MIER2: variants seen among roughly 807,000 people sequenced by gnomAD.
MIER2 encodes the protein MIER family member 2, also known as mesoderm induction early response protein 2.
In MIER2, 30 loss-of-function variants were observed where a neutral mutation model predicts 67.6. That is an observed-to-expected ratio of 0.44 (90% CI 0.33 to 0.60). MIER2 has a LOEUF of 0.60. MIER2 is among the 20% of genes least tolerant of loss of function. The pLI, the probability that MIER2 is intolerant of heterozygous loss-of-function variation, is 0.02. For missense variants in MIER2, 702 were observed against 745.1 expected (o/e 0.94, Z 0.67); for synonymous variants, 372 against 312.6 (o/e 1.19, Z -2.00).
At chr19:336,480 T>C (rs1259044658) in intron 1 of MIER2, among the ~76,000 whole-genome samples, 2 of 152,214 alleles carry the variant, frequency 1.3e-5, no homozygotes, top group African/African-American at 2.4e-5. Flanking sequence ...TGCTGCAACC[T>C]GGATGAAGCT....
At position 334,507 on chromosome 19, in the gene MIER2, G is replaced by A. The variant is rs149269016; in HGVS notation, c.136C>T (p.Leu46Phe). The A allele has an allele frequency of 6.2e-7, 1 of 1,614,030 alleles. No homozygotes were observed. Among genetic ancestry groups the A allele is most frequent in the Non-Finnish European group, 8.5e-7 (1 of 1,180,036 alleles). ...SMGSGDHQFN[L>F]AEILSQNYSV... ...TAGTTCTGTGACAGGATCTCTGCGA[G>A]GTTGAACTGATGGTCTCCAGAGCCC... The change falls in exon 3 of 14, where the codon CTC becomes TTC. Residue 46 changes from leucine (L) to phenylalanine (F), a missense_variant. Coordinates refer to ENST00000264819, the MANE Select transcript of MIER2 (RefSeq NM_017550.3).
chr19:317,531 AAAAT>A lies in MIER2; in HGVS notation c.656-3892_656-3889del, dbSNP rs370133340. Among the ~76,000 whole-genome samples, 149 of 143,990 alleles carry A rather than the reference AAAAT, an allele frequency of 1.0e-3. 1 individual carries two copies. The highest frequency in any genetic ancestry group is 1.1e-3 in the South Asian group (5 of 4,400). The allele number at this position is 143,990 out of a possible 152,430, so 94.5% of individuals were successfully genotyped here. The stretch of plus-strand genomic sequence containing the variant: ...GACAAAGCGAGACTCTGTCTCAGAA[AAAAT>A]AAATAAATAAATAAATAAATAAATA... On this transcript the variant is annotated intron_variant, in intron 7 of 13. Coordinates refer to ENST00000264819, the MANE Select transcript of MIER2 (RefSeq NM_017550.3).
intron 1 of MIER2, chr19:344,373 G>A (rs1972642995): frequency 1.0e-6 from 1 of 984,762 alleles, no homozygotes; most frequent in Non-Finnish European, 1.2e-6. Context: ...TGGCAAAGGC[G>A]CGGGAGGGGA....
intron 1 of MIER2, among the ~76,000 whole-genome samples, chr19:341,464 G>A (rs116608639): frequency 2.6e-5 from 4 of 152,256 alleles, no homozygotes; most frequent in African/African-American, 9.6e-5. Flanking sequence ...AGAAAGGGCC[G>A]CTAACAGGGA....
At chr19:326,995 C>T in intron 5 of MIER2, 138 bp downstream of exon 5, 8 of 1,256,448 alleles carry the variant, frequency 6.4e-6, no homozygotes, top group Non-Finnish European at 7.6e-6. Context: ...CCCAGGGCTA[C>T]TGACGCTTCC....
chr19:336,340 G>A (rs542810674), intron 1 of MIER2, 167 bp from the exon 2 acceptor site: 12 of 615,868 alleles, frequency 1.9e-5, no homozygotes, highest in African/African-American at 1.3e-4. Flanking sequence ...AGCAGCACAC[G>A]CATGTGGCCG....
Position 308,556 on chromosome 19 carries a change from G to C in MIER2, c.1198+21C>G. The C allele has an allele frequency of 1.3e-6, 2 of 1,577,896 alleles. No homozygotes were observed. Among genetic ancestry groups the C allele is most frequent in the Non-Finnish European group, 1.7e-6 (2 of 1,163,682 alleles). ...AGACCCGTGGCCGCCCCCAGGGCAG[G>C]AGATACTCCCCAAGCCTCACCTGTG... On this transcript the variant is annotated intron_variant, in intron 12 of 13. Transcript: ENST00000264819. The surrounding 1 kb of genome is among the most constrained non-coding windows in gnomAD (Gnocchi z 9.1).
intron 4 of MIER2, 71 bp from the exon 5 acceptor site, chr19:327,327 A>G: frequency 6.6e-7 from 1 of 1,518,928 alleles, no homozygotes. Context: ...TAATGATAAC[A>G]ACAGTAAAGA....
intron 1 of MIER2, 129 bp downstream of exon 1, chr19:344,645 C>G: frequency 1.8e-6 from 1 of 560,328 alleles, no homozygotes; most frequent in Non-Finnish European, 2.3e-6. Flanking sequence ...GGGCCAGGCG[C>G]CCCGGCCGGC....
chr19:306,829 G>A (rs747439910), intron 13 of MIER2, 118 bp from the exon 14 acceptor site: 4 of 1,491,020 alleles, frequency 2.7e-6, no homozygotes, highest in Non-Finnish European at 3.6e-6. Flanking sequence ...CACAGCCTAT[G>A]GCAGCCGGGC....
chr19:320,359 G>A (rs575098733), intron 7 of MIER2, among the ~76,000 whole-genome samples: 299 of 151,968 alleles, frequency 2.0e-3, no homozygotes, highest in Non-Finnish European at 3.4e-3. Flanking sequence ...CAGCCTGAGC[G>A]ACAGAGCAAG....
chr19:310,822 G>A (rs962126332), intron 10 of MIER2, among the ~76,000 whole-genome samples: 4 of 150,908 alleles, frequency 2.7e-5, no homozygotes, highest in African/African-American at 4.9e-5. Flanking sequence ...GTAGAAACAC[G>A]GCCAGGAGTC....
chr19:309,703 GAC>G (rs35634309), intron 10 of MIER2, among the ~76,000 whole-genome samples: 4 of 47,134 alleles, frequency 8.5e-5, no homozygotes, highest in Non-Finnish European at 1.3e-4. Flanking sequence ...GACGAGAAGG[GAC>G]ACACACACGC....
At chr19:310,567 TATA>T (rs1970919275) in intron 10 of MIER2, among the ~76,000 whole-genome samples, 1 of 150,438 alleles carries the variant, frequency 6.6e-6, no homozygotes, top group African/African-American at 2.4e-5. Flanking sequence ...GGCCCGGAGC[TATA>T]GAAACACGGC....
At chr19:321,013 G>A (rs762926522) in intron 7 of MIER2, among the ~76,000 whole-genome samples, 3 of 152,180 alleles carry the variant, frequency 2.0e-5, no homozygotes, top group Non-Finnish European at 4.4e-5. Flanking sequence ...ACAAGGATGT[G>A]AAAAACGGCA....
At chr19:326,486 G>A (rs774544609) in intron 6 of MIER2, 21 bp downstream of exon 6, 11 of 1,607,036 alleles carry the variant, frequency 6.8e-6, no homozygotes, top group African/African-American at 1.3e-5. Flanking sequence ...GCCAGGTTGG[G>A]GAGATGGCAG....
intron 1 of MIER2, among the ~76,000 whole-genome samples, chr19:338,033 G>A (rs1485718827): frequency 6.6e-6 from 1 of 150,518 alleles, no homozygotes; most frequent in Non-Finnish European, 1.5e-5. Context: ...TTAGCTGGGT[G>A]TGGTGGCGGG....
Position 308,053 on chromosome 19 carries a change from C to T in MIER2, c.1199-517G>A, listed in dbSNP as rs1970743796. On this transcript the variant is annotated intron_variant, in intron 12 of 13. Coordinates refer to ENST00000264819, the MANE Select transcript of MIER2 (RefSeq NM_017550.3). This position sits in a 1 kb window ranked among gnomAD's most constrained non-coding sequence, Gnocchi z 9.1. ...CCTCCCAGACTCAACCATCTAAACA[C>T]AGAGCCAGAAAGCAAAGGATCCTCG... is the stretch of plus-strand genomic sequence containing the variant. 6.6e-6 allele frequency among the ~76,000 whole-genome samples: 1 copy of T among 152,212 alleles called. No individual in the cohort carries two copies. Among genetic ancestry groups the T allele is most frequent in the Non-Finnish European group, 1.5e-5 (1 of 68,036 alleles).
intron 1 of MIER2, among the ~76,000 whole-genome samples, chr19:342,067 C>A (rs1196654959): frequency 6.6e-6 from 1 of 152,146 alleles, no homozygotes; most frequent in African/African-American, 2.4e-5. Flanking sequence ...CAAGCCCTCT[C>A]CCCAGTGTGA....
Sources: gnomAD v4.1 joint callset for allele counts (sites outside exome capture counted in the v4.1 genomes callset) on GRCh38, gnomAD v4.1.1 for gene constraint, Gnocchi (gnomAD v3.1) non-coding constraint, MANE v1.5 for transcripts, NCBI Gene and HGNC (gene_info 2026-07-23, HGNC 2026-07-21) for gene names.